AOPEP: variants seen among roughly 807,000 people sequenced by gnomAD.
AOPEP encodes the protein aminopeptidase O (putative), also known as aminopeptidase O.
Under a neutral mutation model 98.1 loss-of-function variants are expected in AOPEP, and 77 were observed. The observed-to-expected ratio is 0.78, with a 90% confidence interval of 0.65 to 0.95. The LOEUF (loss-of-function observed/expected upper bound fraction) is 0.95. Ranked by LOEUF, AOPEP falls within the 40% of genes least tolerant of loss-of-function variation. AOPEP has a pLI of 0.00. For missense variants in AOPEP, 1,024 were observed against 1,024.7 expected, an observed-to-expected ratio of 1.00 and a Z score of 0.01; for synonymous variants, 346 against 365.3, an observed-to-expected ratio of 0.95 and a Z score of 0.60.
At chr9:94,828,296 G>A (rs1370830199) in intron 5 of AOPEP, among the ~76,000 whole-genome samples, 1 of 150,636 alleles carries the variant, frequency 6.6e-6, no homozygotes, top group Non-Finnish European at 1.5e-5. Flanking sequence ...CTATTCCAAA[G>A]TCACAAAGAT....
intron 7 of AOPEP, among the ~76,000 whole-genome samples, chr9:94,946,944 G>GATAT (rs141619515): frequency 1.3e-5 from 2 of 150,786 alleles, no homozygotes; most frequent in South Asian, 4.2e-4. Flanking sequence ...GATTCACTCA[G>GATAT]ATATATATAT....
Position 95,082,660 on chromosome 9 carries a change from C to T in AOPEP, c.2405C>T (p.Thr802Ile). 3 of 1,614,188 alleles carry T rather than the reference C, an allele frequency of 1.9e-6. No homozygotes were observed. Among genetic ancestry groups the T allele is most frequent in the Non-Finnish European group, 2.5e-6 (3 of 1,180,036 alleles). ...QQLARRCFER[T>I]KEQMDRSSAQ... ...CTCGCCCGTAGGTGCTTCGAGCGGA[C>T]CAAGGAGCAGATGGATAGGTCCTCA... Residue 802 changes from threonine (T) to isoleucine (I), a missense_variant, in exon 16 of 17, where the codon ACC (threonine) becomes ATC (isoleucine). Physicochemically the swap from Thr to Ile is moderately conservative, Grantham distance 89 (BLOSUM62 -1). This residue lies in a region of AOPEP where 566 missense variants were observed against 551.7 expected (regional missense o/e 1.03). Coordinates refer to ENST00000375315, the MANE Select transcript of AOPEP (RefSeq NM_001193329.3).
intron 7 of AOPEP, among the ~76,000 whole-genome samples, chr9:94,929,553 C>A (rs1248480939): frequency 6.6e-6 from 1 of 152,276 alleles, no homozygotes; most frequent in Admixed American, 6.5e-5. Flanking sequence ...GTTGACTCAT[C>A]CATTGTTTCG....
chr9:94,935,716 G>A (rs1037715895), intron 7 of AOPEP, among the ~76,000 whole-genome samples: 29 of 152,162 alleles, frequency 1.9e-4, no homozygotes, highest in African/African-American at 6.0e-4. Context: ...CGGGTGGGGT[G>A]TGGGCATGGC....
intron 5 of AOPEP, among the ~76,000 whole-genome samples, chr9:94,811,019 C>T (rs1334867772): frequency 6.6e-6 from 1 of 152,206 alleles, no homozygotes; most frequent in Admixed American, 6.5e-5. Context: ...AGTGGCTAAC[C>T]TGCCCCCTAC....
Position 95,087,013 on chromosome 9 carries a change from T to A in AOPEP, c.*336T>A. 1.1e-6 allele frequency: 1 copy of A among 889,440 alleles called. No homozygotes were observed. The highest frequency in any genetic ancestry group is 1.3e-6 in the Non-Finnish European group (1 of 741,454). The allele number at this position is 889,440 out of a possible 1,614,324, so 55.1% of individuals were successfully genotyped here. On this transcript the variant is annotated 3_prime_UTR_variant, in exon 17 of 17. Transcript: ENST00000375315. ...ACCTGCTGAACATTTTACATTGGTC[T>A]GCTCAGCACATGGCTGGATGCGGAT...
chr9:95,101,113 A>G, the AOPEP span: 5 of 240,722 alleles, frequency 2.1e-5, no homozygotes, highest in East Asian at 2.9e-4. Flanking sequence ...CAGAGTGGAA[A>G]GAGTGTGCCG....
intron 13 of AOPEP, among the ~76,000 whole-genome samples, chr9:95,035,178 T>C (rs2064689540): frequency 6.6e-6 from 1 of 151,976 alleles, no homozygotes; most frequent in South Asian, 2.1e-4. Flanking sequence ...TTCCGTGTGT[T>C]CTCATTGTTC....
At chr9:95,095,558 G>A in the AOPEP span, among the ~76,000 whole-genome samples, 1 of 152,178 alleles carries the variant, frequency 6.6e-6, no homozygotes, top group Non-Finnish European at 1.5e-5. Context: ...AGATACTTTG[G>A]TGAGTTTGCT....
At chr9:94,821,323 A>G (rs1213501330) in intron 5 of AOPEP, among the ~76,000 whole-genome samples, 1 of 152,210 alleles carries the variant, frequency 6.6e-6, no homozygotes, top group Non-Finnish European at 1.5e-5. Flanking sequence ...TCCTGGCCCA[A>G]AAGACCAACC....
intron 3 of AOPEP, among the ~76,000 whole-genome samples, chr9:94,791,710 A>C (rs1176125117): frequency 6.6e-6 from 1 of 152,154 alleles, no homozygotes; most frequent in Non-Finnish European, 1.5e-5. Context: ...CCTATCGGGT[A>C]CTATGCTTAT....
At chr9:94,960,778 C>A (rs1472885661) in intron 9 of AOPEP, among the ~76,000 whole-genome samples, 6 of 151,812 alleles carry the variant, frequency 4.0e-5, no homozygotes, top group African/African-American at 1.5e-4. Flanking sequence ...TTGGGGAGGC[C>A]AAAGTGGGCA....
intron 1 of AOPEP, among the ~76,000 whole-genome samples, chr9:94,730,985 T>C (rs537859009): frequency 6.6e-6 from 1 of 152,244 alleles, no homozygotes; most frequent in African/African-American, 2.4e-5. Flanking sequence ...TTGTTGGCGC[T>C]GAGTAGGTCA....
At chr9:94,762,025 G>C (rs1017488181) in intron 2 of AOPEP, among the ~76,000 whole-genome samples, 1 of 152,178 alleles carries the variant, frequency 6.6e-6, no homozygotes, top group Admixed American at 6.5e-5. Context: ...GCAGAATTTG[G>C]AAGAAATATT....
the AOPEP span, among the ~76,000 whole-genome samples, chr9:95,120,420 T>C: frequency 3.3e-5 from 5 of 151,932 alleles, no homozygotes; most frequent in Admixed American, 6.6e-5. Flanking sequence ...TAAAATCTTT[T>C]TTTTTTTTTT....
intron 4 of AOPEP, 87 bp downstream of exon 4, chr9:94,793,005 G>A: frequency 7.2e-7 from 1 of 1,390,098 alleles, no homozygotes; most frequent in Non-Finnish European, 9.8e-7. Flanking sequence ...CACTGGGAAT[G>A]TGAGTCATTC....
At chr9:95,064,903 G>C (rs540873559) in intron 14 of AOPEP, among the ~76,000 whole-genome samples, 42 of 152,324 alleles carry the variant, frequency 2.8e-4, no homozygotes, top group Non-Finnish European at 1.9e-4. Context: ...TACATCTCCA[G>C]ATTCTAAAAT....
the AOPEP span, among the ~76,000 whole-genome samples, chr9:95,128,734 C>G: frequency 6.6e-6 from 1 of 152,134 alleles, no homozygotes; most frequent in Non-Finnish European, 1.5e-5. Flanking sequence ...CTTGTTCTTC[C>G]CCATACAGAT....
intron 7 of AOPEP, among the ~76,000 whole-genome samples, chr9:94,945,595 G>GC (rs899006576): frequency 6.6e-6 from 1 of 152,032 alleles, no homozygotes; most frequent in African/African-American, 2.4e-5. Flanking sequence ...TGCCGCTGCC[G>GC]CCCCCATGCC....
Sources: allele counts gnomAD v4.1 joint callset (sites outside exome capture counted in the v4.1 genomes callset), GRCh38; gene constraint gnomAD v4.1.1; regional missense constraint gnomAD v4.1.1; transcripts MANE v1.5; gene names NCBI Gene and HGNC (gene_info 2026-07-23, HGNC 2026-07-21).